Variants in MDN1 observed in about 807,000 individuals in gnomAD.
MDN1 encodes midasin.
A neutral mutation model predicts 669.2 loss-of-function variants in MDN1; 266 were observed. That is an observed-to-expected ratio of 0.40 (90% CI 0.36 to 0.44). MDN1 has a LOEUF of 0.44. Ranked by LOEUF, MDN1 falls within the 20% of genes least tolerant of loss-of-function variation. MDN1 has a pLI of 1.00. For missense variants in MDN1, 5,940 were observed against 6,754.0 expected (o/e 0.88, Z 4.22); for synonymous variants, 2,385 against 2,457.1 (o/e 0.97, Z 0.87).
chr6:89,757,327 G>T (rs1019215583), intron 19 of MDN1, among the ~76,000 whole-genome samples: 12 of 152,128 alleles, frequency 7.9e-5, no homozygotes, highest in Non-Finnish European at 1.3e-4. Context: ...CTCACCCAAA[G>T]AGGACTGTGT....
chr6:89,743,615 C>G lies in MDN1; in HGVS notation c.4278G>C (p.Leu1426=), dbSNP rs1418798011. The change falls in exon 30 of 102, where the codon CTG becomes CTC. Residue 1426 remains leucine (L), a synonymous_variant. Coordinates refer to ENST00000369393, the MANE Select transcript of MDN1 (RefSeq NM_014611.3). ...CHLHMETSDF[L]GGLRPVRQKP... ...TTTGTCTCACTGGCCGCAGGCCACC[C>G]AGGAAGTCTGATGTCTCCATGTGTA... 16 of 1,614,060 alleles carry G rather than the reference C, an allele frequency of 9.9e-6. No homozygotes were observed. The highest frequency in any genetic ancestry group is 5.0e-5 in the Admixed American group (3 of 60,010).
chr6:89,712,864 G>T, intron 47 of MDN1, 78 bp from the exon 48 acceptor site: 2 of 1,320,440 alleles, frequency 1.5e-6, no homozygotes, highest in Non-Finnish European at 2.1e-6. Flanking sequence ...AGTAATAATA[G>T]TCCATGCGAC....
intron 63 of MDN1, among the ~76,000 whole-genome samples, chr6:89,691,617 T>C (rs1812386741): frequency 6.6e-6 from 1 of 152,212 alleles, no homozygotes; most frequent in African/African-American, 2.4e-5. Flanking sequence ...ATAGTTAAAT[T>C]ACTTGTGTCA....
At chr6:89,702,375 C>T (rs1813219553) in intron 53 of MDN1, among the ~76,000 whole-genome samples, 1 of 152,194 alleles carries the variant, frequency 6.6e-6, no homozygotes, top group Admixed American at 6.5e-5. Context: ...AACTGTATTC[C>T]AAAGCAGCTG....
rs778175359 is a variant in MDN1 at position 89,719,233 on chromosome 6, A to T, written c.5968-8T>A. The T allele has an allele frequency of 7.5e-6, 12 of 1,609,792 alleles. No individual in the cohort carries two copies. Among genetic ancestry groups the T allele is most frequent in the Non-Finnish European group, 1.0e-5 (12 of 1,176,188 alleles). On this transcript the variant is annotated splice_polypyrimidine_tract_variant and splice_region_variant and intron_variant, in intron 40 of 101. Transcript: ENST00000369393. ...CTTGAATACAGCAATGACCTAAAGG[A>T]AGAAGATAATGCAATGAAAACACAA...
intron 1 of MDN1, among the ~76,000 whole-genome samples, 188 bp from the exon 2 acceptor site, chr6:89,803,742 C>T (rs1584396505): frequency 6.6e-6 from 1 of 151,770 alleles, no homozygotes; most frequent in South Asian, 2.1e-4. Flanking sequence ...CCACCATACC[C>T]GGCTAATTTT....
intron 5 of MDN1, among the ~76,000 whole-genome samples, chr6:89,792,377 A>G (rs1325123466): frequency 6.6e-6 from 1 of 152,022 alleles, no homozygotes; most frequent in Non-Finnish European, 1.5e-5. Context: ...CCGCAACTCT[A>G]CCCTGCGCTT....
At chr6:89,747,694 ATCCTGGCTAACATGGTGAAACCCCG>A (rs1280547176) in intron 26 of MDN1, among the ~76,000 whole-genome samples, 2 of 151,392 alleles carry the variant, frequency 1.3e-5, no homozygotes, top group Non-Finnish European at 2.9e-5. Flanking sequence ...AATCGAGACC[ATCCTGGCTAACATGGTGAAACCCCG>A]TCTCTACTAA....
At position 89,728,430 on chromosome 6, in the gene MDN1, A is replaced by G. The variant is rs542677726; in HGVS notation, c.5350-475T>C. Among the ~76,000 whole-genome samples the G allele has an allele frequency of 3.9e-5, 6 of 152,384 alleles. No homozygotes were observed. In the East Asian group the frequency reaches 1.2e-3, roughly 29 times the overall value. On this transcript the variant is annotated intron_variant, in intron 36 of 101. Coordinates refer to ENST00000369393, the MANE Select transcript of MDN1 (RefSeq NM_014611.3). ...TTCTCTCTCGAAAGAGAATTAGAAT[A>G]AAGCATCCAGAGAGAATTAATATTA... is the stretch of plus-strand genomic sequence containing the variant.
chr6:89,674,631 C>T (rs1811060614), intron 78 of MDN1, 42 bp from the exon 79 acceptor site: 1 of 1,498,544 alleles, frequency 6.7e-7, no homozygotes. Context: ...TGAATGGCAC[C>T]TTAAACCACT....
chr6:89,672,403 A>C, intron 81 of MDN1, 40 bp from the exon 82 acceptor site: 1 of 1,606,574 alleles, frequency 6.2e-7, no homozygotes, highest in Non-Finnish European at 8.5e-7. Context: ...CATGATGAAT[A>C]ACAGAAAACA....
chr6:89,738,926 C>T (rs1816144387), intron 32 of MDN1, among the ~76,000 whole-genome samples: 1 of 152,242 alleles, frequency 6.6e-6, no homozygotes, highest in South Asian at 2.1e-4. Flanking sequence ...TATTCTACCT[C>T]TTGAATAACA....
At position 89,662,799 on chromosome 6, in the gene MDN1, A is replaced by T; in HGVS notation, c.14405T>A (p.Met4802Lys). 1 of 1,614,048 alleles carries T rather than the reference A, an allele frequency of 6.2e-7. No individual in the cohort carries two copies. The highest frequency in any genetic ancestry group is 2.2e-5 in the East Asian group (1 of 44,880). ...GAGAAATCTTTGAATTACCTCATCC[A>T]TTCCTGGTCCTGTTTCTTCAGTTTT... ...DNKTEETGPG[M>K]DEEDSELVAK... Residue 4802 changes from methionine (M) to lysine (K), a missense_variant, in exon 86 of 102, where the codon ATG (methionine) becomes AAG (lysine). Physicochemically the swap from Met to Lys is moderately conservative, Grantham distance 95. Transcript: ENST00000369393.
intron 99 of MDN1, among the ~76,000 whole-genome samples, chr6:89,647,723 G>A (rs1808575565): frequency 1.3e-5 from 2 of 152,190 alleles, no homozygotes; most frequent in African/African-American, 4.8e-5. Flanking sequence ...GGGAGGCCAA[G>A]AAGGGAGGAT....
intron 50 of MDN1, among the ~76,000 whole-genome samples, chr6:89,709,632 A>G (rs941254323): frequency 2.0e-5 from 3 of 152,232 alleles, no homozygotes; most frequent in African/African-American, 7.2e-5. Context: ...GCACAAAAGC[A>G]TCATGCATAT....
intron 47 of MDN1, among the ~76,000 whole-genome samples, 153 bp downstream of exon 47, chr6:89,712,995 C>T (rs1814058229): frequency 6.6e-6 from 1 of 151,576 alleles, no homozygotes; most frequent in South Asian, 2.1e-4. Flanking sequence ...AGCTATTTTC[C>T]AGAAAAGTAC....
intron 9 of MDN1, 128 bp from the exon 10 acceptor site, chr6:89,781,720 G>C: frequency 1.4e-6 from 1 of 717,196 alleles, no homozygotes; most frequent in Non-Finnish European, 2.2e-6. Context: ...CTGGGGGACG[G>C]TAGCTCACAC....
intron 74 of MDN1, among the ~76,000 whole-genome samples, chr6:89,680,039 G>A: frequency 6.6e-6 from 1 of 152,356 alleles, no homozygotes; most frequent in Admixed American, 6.5e-5. Context: ...CAGTTGGGGG[G>A]TAGATGGGGT....
chr6:89,743,361 G>T, intron 30 of MDN1, 81 bp from the exon 31 acceptor site: 1 of 1,536,078 alleles, frequency 6.5e-7, no homozygotes, highest in Non-Finnish European at 8.9e-7. Flanking sequence ...GTGTTTCCAG[G>T]GGTGAAGTAG....
Sources: allele counts gnomAD v4.1 joint callset (sites outside exome capture counted in the v4.1 genomes callset), GRCh38; gene constraint gnomAD v4.1.1; transcripts MANE v1.5; gene names NCBI Gene and HGNC (gene_info 2026-07-23, HGNC 2026-07-21).